TUBGCP4: variants seen among roughly 807,000 people sequenced by gnomAD.
The protein encoded by TUBGCP4 is tubulin gamma complex component 4, also known as gamma-tubulin complex component 4.
A neutral mutation model predicts 91.6 loss-of-function variants in TUBGCP4; 54 were observed. The ratio of observed to expected loss-of-function variants is 0.59; its 90% CI spans 0.47 to 0.74. The LOEUF (loss-of-function observed/expected upper bound fraction) is 0.74, where lower values mean the gene tolerates loss of function less well. TUBGCP4 is among the 30% of genes least tolerant of loss of function. The probability of loss-of-function intolerance (pLI) is 0.00; values close to 1 mark genes in which losing one functional copy is unlikely to be tolerated. For synonymous variants in TUBGCP4, 297 were observed against 302.8 expected, an observed-to-expected ratio of 0.98 and a Z score of 0.20; for missense variants, 593 against 800.9, an observed-to-expected ratio of 0.74 and a Z score of 3.13.
intron 17 of TUBGCP4, 54 bp from the exon 18 acceptor site, chr15:43,405,148 A>C: frequency 6.2e-7 from 1 of 1,601,584 alleles, no homozygotes; most frequent in East Asian, 2.2e-5. Flanking sequence ...TATTTCTTTG[A>C]AGGTAGTCTT....
In TUBGCP4 at chr15:43,371,281, C is replaced by T. The variant is rs189539028; in HGVS notation, c.-74C>T. 7.6e-6 allele frequency: 11 copies of T among 1,455,464 alleles called. No homozygotes were observed. In the Admixed American group the frequency reaches 1.5e-4, roughly 20 times the overall value. 90.2% of individuals were successfully genotyped at this position (1,455,464 alleles called of 1,614,324 possible). On this transcript the variant is annotated 5_prime_UTR_variant, in exon 1 of 18. Coordinates refer to ENST00000564079, the MANE Select transcript of TUBGCP4 (RefSeq NM_014444.5). ...CGGTGCGCGTGTGGAAGGGGAAGCA[C>T]TCCCCTCGTGGTCGCCTGGAGGTGC...
chr15:43,385,610 TC>T (rs2044344501), intron 7 of TUBGCP4, 180 bp from the exon 8 acceptor site: 2 of 626,276 alleles, frequency 3.2e-6, no homozygotes, highest in Admixed American at 5.7e-5. Context: ...ACCATGCCAC[TC>T]TGCTGCCTGA....
intron 9 of TUBGCP4, among the ~76,000 whole-genome samples, chr15:43,387,214 A>G (rs1291703577): frequency 6.6e-6 from 1 of 152,246 alleles, no homozygotes; most frequent in African/African-American, 2.4e-5. Flanking sequence ...GTGAGTAGCC[A>G]TAGTGAGGTC....
chr15:43,395,293 AAACTATACCT>A (rs2044562712), intron 10 of TUBGCP4, 136 bp downstream of exon 10: 1 of 937,814 alleles, frequency 1.1e-6, no homozygotes, highest in African/African-American at 1.6e-5. Context: ...CCAAGTGAGC[AAACTATACCT>A]AATGCCACAA....
chr15:43,380,997 A>C (rs1387629076), intron 6 of TUBGCP4, among the ~76,000 whole-genome samples: 2 of 151,952 alleles, frequency 1.3e-5, no homozygotes, highest in Admixed American at 1.3e-4. Flanking sequence ...TGTAGAGAGA[A>C]GGCTTTGCTA....
At chr15:43,384,915 A>G (rs1204812305) in intron 7 of TUBGCP4, among the ~76,000 whole-genome samples, 1 of 152,222 alleles carries the variant, frequency 6.6e-6, no homozygotes, top group Non-Finnish European at 1.5e-5. Context: ...CTAACATTGA[A>G]TATGAAAAAA....
At chr15:43,389,334 A>G (rs545083895) in intron 9 of TUBGCP4, among the ~76,000 whole-genome samples, 120 of 152,296 alleles carry the variant, frequency 7.9e-4, no homozygotes, top group Non-Finnish European at 1.6e-3. Flanking sequence ...GTCTGATTCT[A>G]TCAGTTGTTC....
intron 9 of TUBGCP4, among the ~76,000 whole-genome samples, chr15:43,389,140 G>A (rs1036398279): frequency 5.3e-5 from 8 of 152,122 alleles, no homozygotes; most frequent in African/African-American, 1.7e-4. Context: ...GTGAACTTAC[G>A]ACTTGTACTT....
chr15:43,404,266 TAATAGA>T (rs2044779581), intron 16 of TUBGCP4, 141 bp from the exon 17 acceptor site: 2 of 864,516 alleles, frequency 2.3e-6, no homozygotes, highest in African/African-American at 3.4e-5. Context: ...TTTTAGGAAC[TAATAGA>T]AATAGGAATG....
At position 43,385,893 on chromosome 15, in the gene TUBGCP4, A is replaced by T; in HGVS notation, c.826A>T (p.Ile276Phe). The T allele has an allele frequency of 1.2e-6, 2 of 1,614,046 alleles. No homozygotes were observed. The highest frequency in any genetic ancestry group is 1.7e-6 in the Non-Finnish European group (2 of 1,180,008). Reference protein sequence around the residue: ...SYIPVRVAEKILFVGESVQMF... With the variant: ...SYIPVRVAEKFLFVGESVQMF... The stretch of plus-strand genomic sequence containing the variant: ...CATTCCAGTGAGGGTTGCTGAAAAA[A>T]TCCTATTTGTTGGAGAATCTGTCCA... Residue 276 changes from isoleucine to phenylalanine, a missense_variant, in exon 8 of 18, where the codon ATC becomes TTC. Coordinates refer to ENST00000564079, the MANE Select transcript of TUBGCP4 (RefSeq NM_014444.5).
chr15:43,372,019 G>C (rs890802658), intron 1 of TUBGCP4, among the ~76,000 whole-genome samples: 1 of 152,136 alleles, frequency 6.6e-6, no homozygotes, highest in Non-Finnish European at 1.5e-5. Context: ...GATTAAGCTA[G>C]GTTTAGAATA....
At chr15:43,403,509 C>T (rs1191335816) in intron 15 of TUBGCP4, 174 bp from the exon 16 acceptor site, 3 of 572,602 alleles carry the variant, frequency 5.2e-6, no homozygotes, top group East Asian at 2.9e-5. Context: ...TTGTTTTACG[C>T]ATTTTGTGCG....
In TUBGCP4 at chr15:43,409,079, C is replaced by T; in HGVS notation, c.*3865C>T. The T allele has an allele frequency of 6.2e-7, 1 of 1,614,184 alleles. No homozygotes were observed. The highest frequency in any genetic ancestry group is 8.5e-7 in the Non-Finnish European group (1 of 1,180,028). On this transcript the variant is annotated 3_prime_UTR_variant, in exon 18 of 18. Transcript: ENST00000564079. ...AATGCTGATCCGCAATTAGAAGACA[C>T]TGGTAAGCTGTGTTACACTGCAAGA...
chr15:43,386,204 A>G lies in TUBGCP4; in HGVS notation c.890-2A>G, dbSNP rs2044355581. ...CTTTGACGGTGTCTTCCTATTTTGC[A>G]GGATCCATTTTGAAAAACCAGGAAG... is the stretch of plus-strand genomic sequence containing the variant. On this transcript the variant is annotated splice_acceptor_variant, in intron 8 of 17. Coordinates refer to ENST00000564079, the MANE Select transcript of TUBGCP4 (RefSeq NM_014444.5). LOFTEE classifies it high-confidence loss of function. 1.9e-6 allele frequency: 3 copies of G among 1,604,904 alleles called. No homozygotes were observed. The highest frequency in any genetic ancestry group is 1.1e-5 in the South Asian group (1 of 89,634).
rs1051308652 is a variant in TUBGCP4, at chr15:43,409,138, G to C, written c.*3924G>C. The C allele has an allele frequency of 6.3e-7, 1 of 1,587,426 alleles. No homozygotes were observed. The highest frequency in any genetic ancestry group is 1.7e-5 in the Admixed American group (1 of 59,384). Reference sequence around the variant, plus strand: ...AGAGCCAATGGGTTTGGTGACTTCTGTGGAAAGCTCCTAAGCAGCAGCCAT... The same window carrying C: ...AGAGCCAATGGGTTTGGTGACTTCTCTGGAAAGCTCCTAAGCAGCAGCCAT... On this transcript the variant is annotated 3_prime_UTR_variant, in exon 18 of 18. Coordinates refer to ENST00000564079, the MANE Select transcript of TUBGCP4 (RefSeq NM_014444.5).
chr15:43,380,295 C>T, intron 6 of TUBGCP4, 132 bp downstream of exon 6: 1 of 815,262 alleles, frequency 1.2e-6, no homozygotes, highest in South Asian at 1.7e-5. Context: ...GAAAAAGCTC[C>T]ATGAGCAGAG....
chr15:43,404,690 A>G, intron 17 of TUBGCP4, 138 bp downstream of exon 17: 2 of 892,128 alleles, frequency 2.2e-6, no homozygotes, highest in East Asian at 2.6e-5. Context: ...AGGTGTGACC[A>G]TCTTTAATAA....
rs1391039618 is a variant in TUBGCP4, at chr15:43,376,630, G to T, written c.330+5G>T. 5 of 1,614,034 alleles carry T rather than the reference G, an allele frequency of 3.1e-6. No homozygotes were observed. The Admixed American group carries it at 8.3e-5, about 27-fold the overall frequency. On this transcript the variant is annotated splice_donor_5th_base_variant and intron_variant, in intron 3 of 17. Coordinates refer to ENST00000564079, the MANE Select transcript of TUBGCP4 (RefSeq NM_014444.5). ...CTGCTTGATTTGGAACAAGAGGTAA[G>T]AAGGAGGAGATATAGGAAACACCTC... is the stretch of plus-strand genomic sequence containing the variant.
chr15:43,401,467 AAAAAGAGAAAAGGATGG>A (rs1048556389), intron 14 of TUBGCP4, among the ~76,000 whole-genome samples: 10 of 148,310 alleles, frequency 6.7e-5, no homozygotes, highest in African/African-American at 2.5e-4. Flanking sequence ...AAAAAAAAGG[AAAAAGAGAAAAGGATGG>A]GGCAGGGGAG....
Sources: gnomAD v4.1 joint callset for allele counts (sites outside exome capture counted in the v4.1 genomes callset) on GRCh38, gnomAD v4.1.1 for gene constraint, MANE v1.5 for transcripts, NCBI Gene and HGNC (gene_info 2026-07-23, HGNC 2026-07-21) for gene names.